The following PTH2R variants were observed in gnomAD, a reference collection of about 807,000 sequenced individuals.
PTH2R encodes PTH2 receptor.
PTH2R carries 59 observed loss-of-function variants against 60.3 expected under a neutral mutation model. The ratio of observed to expected loss-of-function variants is 0.98; its 90% CI spans 0.79 to 1.22. The LOEUF (loss-of-function observed/expected upper bound fraction) is 1.22. Among genes scored for constraint, PTH2R ranks in the 50% most tolerant of loss-of-function variants. The probability of loss-of-function intolerance (pLI) is 0.00; values close to 1 mark genes in which losing one functional copy is unlikely to be tolerated. For synonymous variants in PTH2R, 256 were observed against 243.8 expected (o/e 1.05, Z -0.47); for missense variants, 749 against 682.6 (o/e 1.10, Z -1.08).
rs537899902 is a variant in PTH2R, at chr2:208,453,245, A to T, written c.914+2436A>T. ...CCATTTTTTGTTGACATATAAGCTCATGCCTGTGTATTTGTATTGCATGTA... is the reference window on the plus strand; with the variant it reads ...CCATTTTTTGTTGACATATAAGCTCTTGCCTGTGTATTTGTATTGCATGTA... On this transcript the variant is annotated intron_variant, in intron 8 of 12. Transcript: ENST00000272847. Among the ~76,000 whole-genome samples the T allele has an allele frequency of 2.6e-5, 4 of 152,300 alleles. No homozygotes were observed. In the South Asian group the frequency reaches 8.3e-4, roughly 32 times the overall value.
chr2:208,363,204 A>G (rs146452403), intron 1 of PTH2R, among the ~76,000 whole-genome samples: 264 of 151,688 alleles, frequency 1.7e-3, no homozygotes, highest in Middle Eastern at 6.8e-3. Context: ...AGTAGGCCCC[A>G]GTGTTTATTG....
At chr2:208,391,122 A>T (rs543479222) in intron 1 of PTH2R, among the ~76,000 whole-genome samples, 6 of 152,228 alleles carry the variant, frequency 3.9e-5, no homozygotes, top group Non-Finnish European at 8.8e-5. Flanking sequence ...ACCTGTACCA[A>T]ATCTCCTGGG....
intron 1 of PTH2R, among the ~76,000 whole-genome samples, chr2:208,396,526 A>T (rs2125885496): frequency 6.6e-6 from 1 of 152,366 alleles, no homozygotes; most frequent in East Asian, 1.9e-4. Context: ...AAAATAAGAC[A>T]TTTATGCACC....
chr2:208,448,462 AAC>A (rs1356568417), intron 7 of PTH2R, among the ~76,000 whole-genome samples: 3 of 151,502 alleles, frequency 2.0e-5, no homozygotes, highest in Non-Finnish European at 2.9e-5. Context: ...AATCCTGGCT[AAC>A]ATGGTGAAAC....
chr2:208,409,706 T>G (rs567078040), intron 1 of PTH2R, among the ~76,000 whole-genome samples: 1 of 152,274 alleles, frequency 6.6e-6, no homozygotes, highest in African/African-American at 2.4e-5. Context: ...GTCTCTGTGG[T>G]TTCTGGTTGG....
chr2:208,470,194 C>G lies in PTH2R; in HGVS notation c.981+10233C>G, dbSNP rs375697391. Reference sequence around the variant, plus strand: ...TATGGTACTAGCAGAAACCTGAGATCTTGAATTTACCGGTTAGGGAAAAGA... The same window carrying G: ...TATGGTACTAGCAGAAACCTGAGATGTTGAATTTACCGGTTAGGGAAAAGA... On this transcript the variant is annotated intron_variant, in intron 9 of 12. Transcript: ENST00000272847. Among the ~76,000 whole-genome samples the G allele has an allele frequency of 3.3e-4, 51 of 152,266 alleles. No homozygotes were observed. The East Asian group carries it at 4.4e-3, about 13-fold the overall frequency.
intron 2 of PTH2R, among the ~76,000 whole-genome samples, chr2:208,432,365 G>A (rs1346336843): frequency 6.6e-6 from 1 of 152,144 alleles, no homozygotes; most frequent in Non-Finnish European, 1.5e-5. Context: ...TTTAACAACA[G>A]AGGTGTTTTA....
chr2:208,466,925 T>A (rs1702766324), intron 9 of PTH2R, among the ~76,000 whole-genome samples: 1 of 152,238 alleles, frequency 6.6e-6, no homozygotes, highest in South Asian at 2.1e-4. Flanking sequence ...TTTGTTTTTC[T>A]TGCCTGTGCT....
In PTH2R at chr2:208,493,294, C is replaced by T. The variant is rs539493525; in HGVS notation, c.1288C>T (p.Arg430Trp). 4.1e-5 allele frequency: 63 copies of T among 1,518,782 alleles called. No individual in the cohort carries two copies. In the South Asian group the frequency reaches 5.5e-4, roughly 13 times the overall value. The allele number at this position is 1,518,782 out of a possible 1,614,324, so 94.1% of individuals were successfully genotyped here. The change falls in exon 13 of 13, where the codon CGG becomes TGG. Residue 430 changes from arginine (R) to tryptophan (W), a missense_variant. Physicochemically the swap from Arg to Trp is moderately radical, Grantham distance 101. Coordinates refer to ENST00000272847, the MANE Select transcript of PTH2R (RefSeq NM_005048.4). ...GGCAGAGGTGAAGAAGATGTGGAGT[C>T]GGTGGAACCTCTCCGTGGACTGGAA... The part of the protein sequence containing the change: ...VQAEVKKMWS[R>W]WNLSVDWKRT...
At chr2:208,440,228 C>T (rs577441576) in intron 4 of PTH2R, among the ~76,000 whole-genome samples, 1 of 152,140 alleles carries the variant, frequency 6.6e-6, no homozygotes, top group South Asian at 2.1e-4. Flanking sequence ...CAAGATCAGC[C>T]TGGGCAACAT....
chr2:208,410,690 T>C (rs1281630352), intron 1 of PTH2R, among the ~76,000 whole-genome samples: 1 of 152,234 alleles, frequency 6.6e-6, no homozygotes, highest in Non-Finnish European at 1.5e-5. Context: ...TGGTATGATA[T>C]CATTTACATA....
chr2:208,388,141 C>CCG (rs1553541038), intron 1 of PTH2R, among the ~76,000 whole-genome samples: 141 of 150,418 alleles, frequency 9.4e-4, no homozygotes, highest in Non-Finnish European at 1.4e-3. Flanking sequence ...AACCCCCCCC[C>CCG]CCGTCTCTAC....
At chr2:208,457,289 A>G (rs947529659) in intron 8 of PTH2R, among the ~76,000 whole-genome samples, 8 of 152,226 alleles carry the variant, frequency 5.3e-5, no homozygotes, top group African/African-American at 1.9e-4. Flanking sequence ...AAATAATGTG[A>G]AAAACAGATA....
At chr2:208,467,181 C>A (rs1702772171) in intron 9 of PTH2R, among the ~76,000 whole-genome samples, 1 of 152,052 alleles carries the variant, frequency 6.6e-6, no homozygotes, top group African/African-American at 2.4e-5. Context: ...TTCTCTGATG[C>A]ATTTTAAAAA....
At chr2:208,456,260 A>C (rs1702513172) in intron 8 of PTH2R, among the ~76,000 whole-genome samples, 1 of 152,092 alleles carries the variant, frequency 6.6e-6, no homozygotes, top group African/African-American at 2.4e-5. Context: ...AAAGAGTGTT[A>C]TTTTACTAAG....
At chr2:208,437,489 A>G (rs1702096889) in intron 2 of PTH2R, 48 bp from the exon 3 acceptor site, 1 of 1,498,166 alleles carries the variant, frequency 6.7e-7, no homozygotes, top group African/African-American at 1.4e-5. Flanking sequence ...CTCTGGTTCT[A>G]ACTACATTTT....
intron 11 of PTH2R, among the ~76,000 whole-genome samples, chr2:208,489,478 A>C (rs1470870172): frequency 6.6e-6 from 1 of 152,092 alleles, no homozygotes; most frequent in Non-Finnish European, 1.5e-5. Context: ...AGATAAACAA[A>C]AGTAAAAGAA....
intron 2 of PTH2R, among the ~76,000 whole-genome samples, chr2:208,429,890 T>C (rs1701935938): frequency 6.6e-6 from 1 of 152,236 alleles, no homozygotes; most frequent in African/African-American, 2.4e-5. Flanking sequence ...GTCTATTAAC[T>C]GAAGAATTTA....
intron 1 of PTH2R, among the ~76,000 whole-genome samples, chr2:208,413,238 G>C (rs1701577349): frequency 6.6e-6 from 1 of 152,218 alleles, no homozygotes; most frequent in Non-Finnish European, 1.5e-5. Context: ...AAATGACAGA[G>C]AGCCACCACT....
Sources: allele counts gnomAD v4.1 joint callset (sites outside exome capture counted in the v4.1 genomes callset), GRCh38; gene constraint gnomAD v4.1.1; transcripts MANE v1.5; gene names NCBI Gene and HGNC (gene_info 2026-07-23, HGNC 2026-07-21).